TEN1: variants seen among roughly 807,000 people sequenced by gnomAD.
The protein encoded by TEN1 is CST complex subunit TEN1.
A neutral mutation model predicts 9.3 loss-of-function variants in TEN1; 6 were observed. The observed-to-expected ratio is 0.65, with a 90% CI of 0.35 to 1.27. TEN1 has a LOEUF of 1.27. Among genes scored for constraint, TEN1 ranks in the 50% most tolerant of loss-of-function variants. The pLI is 0.03. For synonymous variants in TEN1, 65 were observed against 65.6 expected (o/e 0.99, Z 0.04); for missense variants, 149 against 158.2 (o/e 0.94, Z 0.31).
intron 1 of TEN1, among the ~76,000 whole-genome samples, chr17:75,985,291 G>A (rs1193683326): frequency 6.6e-6 from 1 of 151,676 alleles, no homozygotes. Flanking sequence ...GACTACAGGT[G>A]AGAGACACCA....
chr17:76,000,233 T>C lies in TEN1; in HGVS notation c.343T>C (p.Tyr115His), dbSNP rs981085448. 19 of 1,551,204 alleles carry C rather than the reference T, an allele frequency of 1.2e-5. No individual in the cohort carries two copies. Among genetic ancestry groups the C allele is most frequent in the Non-Finnish European group, 1.6e-5 (18 of 1,146,950 alleles). The change falls in exon 4 of 4, where the codon TAC (tyrosine) becomes CAC (histidine). Residue 115 changes from tyrosine (Y) to histidine (H), a missense_variant. Coordinates refer to ENST00000397640, the MANE Select transcript of TEN1 (RefSeq NM_001113324.3). The surrounding 1 kb of genome is among the most constrained non-coding windows in gnomAD (Gnocchi z 5.9). ...ACAAGCCATCCGGGAGCAGAGACTG[T>C]ACAAGCAGGAGCGGGGCGGCAGCCA... ...LEQAIREQRLYKQERGGSQ is the reference protein window; with the variant it reads ...LEQAIREQRLHKQERGGSQ
At chr17:75,995,723 A>G (rs1001290573) in intron 3 of TEN1, among the ~76,000 whole-genome samples, 10 of 152,188 alleles carry the variant, frequency 6.6e-5, no homozygotes, top group African/African-American at 2.4e-4. Flanking sequence ...GCAAACAGCA[A>G]GCAGCTGCCC....
At chr17:75,994,589 T>C (rs2066207840) in intron 3 of TEN1, among the ~76,000 whole-genome samples, 1 of 151,744 alleles carries the variant, frequency 6.6e-6, no homozygotes. Flanking sequence ...GCGATTCTCC[T>C]GCCTTGGCCT....
Position 76,000,259 on chromosome 17 carries a change from G to C in TEN1, c.369G>C (p.Gln123His). 15 of 1,551,096 alleles carry C rather than the reference G, an allele frequency of 9.7e-6. No individual in the cohort carries two copies. Among genetic ancestry groups the C allele is most frequent in the Non-Finnish European group, 1.3e-5 (15 of 1,146,768 alleles). Residue 123 changes from glutamine (Q) to histidine (H), a missense_variant, in exon 4 of 4, where the codon CAG (glutamine) becomes CAC (histidine). Coordinates refer to ENST00000397640, the MANE Select transcript of TEN1 (RefSeq NM_001113324.3). The surrounding 1 kb of genome is among the most constrained non-coding windows in gnomAD (Gnocchi z 5.9). ...ACAAGCAGGAGCGGGGCGGCAGCCA[G>C]TAGGAAACAGCAGCCTAGCAACACC... ...RLYKQERGGS[Q>H]
intron 3 of TEN1, among the ~76,000 whole-genome samples, 166 bp from the exon 4 acceptor site, chr17:75,999,975 T>C (rs2066243728): frequency 6.6e-6 from 1 of 152,210 alleles, no homozygotes; most frequent in African/African-American, 2.4e-5. Flanking sequence ...CCCACGGTTC[T>C]AGGCCCAAAT....
chr17:75,992,968 T>A (rs2066195920), intron 3 of TEN1, among the ~76,000 whole-genome samples: 1 of 150,986 alleles, frequency 6.6e-6, no homozygotes, highest in Non-Finnish European at 1.5e-5. Context: ...GGTTTTTTTT[T>A]TTTTTTGTCT....
rs1184602693 is a variant in TEN1 at position 75,979,518 on chromosome 17, T to A, written c.-7+7T>A. 4.2e-5 allele frequency: 13 copies of A among 306,778 alleles called. No homozygotes were observed. Among genetic ancestry groups the A allele is most frequent in the South Asian group, 3.2e-4 (12 of 37,240 alleles). The allele number at this position is 306,778 out of a possible 1,614,324, so 19.0% of individuals were successfully genotyped here. A position where few individuals can be genotyped will look rare whatever the true frequency, so the allele number is the denominator to read the frequency against. The stretch of plus-strand genomic sequence containing the variant: ...CCGGCGACGCCTAGAACAGGTTGGC[T>A]GGGGCCTTGGGAAGGGGGCGGGACA... On this transcript the variant is annotated splice_region_variant and intron_variant, in intron 1 of 3. Coordinates refer to ENST00000397640, the MANE Select transcript of TEN1 (RefSeq NM_001113324.3).
At chr17:75,980,775 C>T (rs940916464) in intron 1 of TEN1, among the ~76,000 whole-genome samples, 7 of 152,124 alleles carry the variant, frequency 4.6e-5, no homozygotes, top group East Asian at 1.9e-4. Flanking sequence ...AGTAAAACTA[C>T]GAGAGATGCA....
intron 1 of TEN1, among the ~76,000 whole-genome samples, chr17:75,985,766 C>T (rs982218767): frequency 6.6e-5 from 10 of 151,780 alleles, no homozygotes; most frequent in Admixed American, 3.9e-4. Context: ...TCAGGTGATC[C>T]GCCCGCCTCA....
intron 3 of TEN1, among the ~76,000 whole-genome samples, chr17:75,991,908 G>A (rs768631527): frequency 6.6e-6 from 1 of 152,078 alleles, no homozygotes; most frequent in South Asian, 2.1e-4. Context: ...TTAGCTGGGC[G>A]TGGTGGCATG....
At chr17:75,996,198 C>G (rs535068390) in intron 3 of TEN1, among the ~76,000 whole-genome samples, 13 of 151,972 alleles carry the variant, frequency 8.6e-5, no homozygotes, top group Non-Finnish European at 1.2e-4. Context: ...CAAGACCAGC[C>G]TGGACGGCCG....
chr17:75,986,414 AT>A, intron 2 of TEN1, 130 bp downstream of exon 2: 2 of 931,418 alleles, frequency 2.1e-6, no homozygotes, highest in Non-Finnish European at 3.0e-6. Context: ...TAAAAAAAAA[AT>A]TAGTTGCCGG....
At chr17:75,995,852 G>A (rs1267268295) in intron 3 of TEN1, among the ~76,000 whole-genome samples, 2 of 151,986 alleles carry the variant, frequency 1.3e-5, no homozygotes, top group African/African-American at 2.4e-5. Flanking sequence ...TAGCATGTTC[G>A]GAGGCTGAGG....
Position 75,979,273 on chromosome 17 carries a change from AG to A in TEN1, c.-240del, listed in dbSNP as rs1364213596. Reference sequence around the variant, plus strand: ...GCGTGAGTGACAGCGGCCCAGACAGAGGGGGCGATGTCCGCGTCGTGGCTGG... The same window carrying A: ...GCGTGAGTGACAGCGGCCCAGACAGAGGGGCGATGTCCGCGTCGTGGCTGG... On this transcript the variant is annotated 5_prime_UTR_variant, in exon 1 of 4. Transcript: ENST00000397640. The A allele has an allele frequency of 1.4e-6, 1 of 713,714 alleles. No individual in the cohort carries two copies. 44.2% of individuals were successfully genotyped at this position (713,714 alleles called of 1,614,324 possible). A position where few individuals can be genotyped will look rare whatever the true frequency, so the allele number is the denominator to read the frequency against.
intron 1 of TEN1, among the ~76,000 whole-genome samples, chr17:75,985,836 CT>C (rs923740929): frequency 2.0e-4 from 29 of 145,618 alleles, no homozygotes; most frequent in Admixed American, 4.1e-4. Context: ...GTTTTTTTTT[CT>C]TTTTTTTTTA....
At chr17:75,995,234 A>G (rs1598216523) in intron 3 of TEN1, among the ~76,000 whole-genome samples, 1 of 146,568 alleles carries the variant, frequency 6.8e-6, no homozygotes, top group South Asian at 2.2e-4. Context: ...AAAAAAAAAA[A>G]GGAAAAAAAA....
intron 3 of TEN1, among the ~76,000 whole-genome samples, chr17:75,994,516 C>T (rs1293072072): frequency 2.0e-5 from 3 of 151,724 alleles, no homozygotes; most frequent in Non-Finnish European, 4.4e-5. Flanking sequence ...CTCACTCTGT[C>T]ACCCAGCCTG....
intron 2 of TEN1, among the ~76,000 whole-genome samples, chr17:75,989,936 G>A (rs75907117): frequency 0.039 from 5,834 of 150,332 alleles, 182 homozygotes; most frequent in East Asian, 0.16. Context: ...TTATAGAGAC[G>A]GCATCTCGCT....
intron 3 of TEN1, among the ~76,000 whole-genome samples, chr17:75,994,242 C>T (rs1378514546): frequency 2.6e-5 from 4 of 151,462 alleles, no homozygotes; most frequent in Non-Finnish European, 4.4e-5. Flanking sequence ...CAAGACCAGC[C>T]TGACCAACAT....
Sources: gnomAD v4.1 joint callset for allele counts (sites outside exome capture counted in the v4.1 genomes callset) on GRCh38, gnomAD v4.1.1 for gene constraint, Gnocchi (gnomAD v3.1) non-coding constraint, MANE v1.5 for transcripts, NCBI Gene and HGNC (gene_info 2026-07-23, HGNC 2026-07-21) for gene names.